Variants in DIAPH3 observed in about 807,000 individuals in gnomAD.
DIAPH3 encodes diaphanous related formin 3.
DIAPH3 carries 117 observed loss-of-function variants against 144.3 expected under a neutral mutation model. That is an observed-to-expected ratio of 0.81 (90% CI 0.70 to 0.95). DIAPH3 has a LOEUF of 0.95. Among genes scored for constraint, DIAPH3 ranks in the 40% least tolerant of loss-of-function variants. The pLI is 0.00. For synonymous variants in DIAPH3, 519 were observed against 488.9 expected, an observed-to-expected ratio of 1.06 and a Z score of -0.81; for missense variants, 1,421 against 1,412.7, an observed-to-expected ratio of 1.01 and a Z score of -0.09.
chr13:59,949,047 G>A (rs909499130), intron 17 of DIAPH3, among the ~76,000 whole-genome samples: 9 of 152,104 alleles, frequency 5.9e-5, no homozygotes, highest in African/African-American at 1.9e-4. Flanking sequence ...TAGAGAAGGG[G>A]TAAAGAAAGC....
At chr13:60,159,968 G>A (rs1356701346) in intron 1 of DIAPH3, among the ~76,000 whole-genome samples, 1 of 152,174 alleles carries the variant, frequency 6.6e-6, no homozygotes, top group Non-Finnish European at 1.5e-5. Flanking sequence ...GCTCACGCCT[G>A]TAATCCCAGC....
At chr13:59,981,398 T>G (rs962703904) in intron 13 of DIAPH3, among the ~76,000 whole-genome samples, 1 of 151,130 alleles carries the variant, frequency 6.6e-6, no homozygotes, top group African/African-American at 2.4e-5. Flanking sequence ...GATGAAAAAC[T>G]AGGCAATATA....
intron 27 of DIAPH3, among the ~76,000 whole-genome samples, chr13:59,759,542 G>A (rs1275465003): frequency 6.6e-6 from 1 of 152,128 alleles, no homozygotes; most frequent in Non-Finnish European, 1.5e-5. Flanking sequence ...GATCAAGACT[G>A]CTTATATTTA....
chr13:60,048,643 A>C (rs1217802510), intron 4 of DIAPH3, among the ~76,000 whole-genome samples: 4 of 129,476 alleles, frequency 3.1e-5, no homozygotes, highest in Non-Finnish European at 4.9e-5. Flanking sequence ...TACATTGCCC[A>C]TATTACTCAG....
chr13:60,119,162 A>G (rs2058770667), intron 2 of DIAPH3, among the ~76,000 whole-genome samples: 1 of 152,202 alleles, frequency 6.6e-6, no homozygotes, highest in Non-Finnish European at 1.5e-5. Flanking sequence ...AAAAGATTTT[A>G]CAGCTTTTGT....
intron 27 of DIAPH3, among the ~76,000 whole-genome samples, chr13:59,692,590 T>C (rs1227456371): frequency 6.6e-6 from 1 of 152,088 alleles, no homozygotes; most frequent in East Asian, 1.9e-4. Flanking sequence ...TTCCTTTTAA[T>C]GACAAGGAAA....
At chr13:59,828,870 T>C (rs1026732642) in intron 24 of DIAPH3, among the ~76,000 whole-genome samples, 3 of 151,554 alleles carry the variant, frequency 2.0e-5, no homozygotes, top group African/African-American at 7.3e-5. Context: ...CTACAGTCGA[T>C]TGTTTAAAAA....
At chr13:59,807,198 T>C (rs1222539683) in intron 25 of DIAPH3, among the ~76,000 whole-genome samples, 1 of 81,230 alleles carries the variant, frequency 1.2e-5, no homozygotes, top group African/African-American at 4.4e-5. Context: ...ATTGTGTTGA[T>C]TTTAAAGGAA....
At chr13:59,998,471 A>C (rs1269423430) in intron 9 of DIAPH3, among the ~76,000 whole-genome samples, 3 of 152,154 alleles carry the variant, frequency 2.0e-5, no homozygotes, top group Non-Finnish European at 4.4e-5. Flanking sequence ...TGAATAACTA[A>C]GTAATTGATC....
intron 17 of DIAPH3, among the ~76,000 whole-genome samples, chr13:59,947,462 A>G (rs189938233): frequency 1.8e-4 from 27 of 152,318 alleles, no homozygotes; most frequent in African/African-American, 6.3e-4. Flanking sequence ...AAAAGAAGTA[A>G]TATTTTTGAT....
chr13:59,746,424 T>C lies in DIAPH3; in HGVS notation c.3319+27765A>G, dbSNP rs2036708027. On this transcript the variant is annotated intron_variant, in intron 27 of 27. Coordinates refer to ENST00000400324, the MANE Select transcript of DIAPH3 (RefSeq NM_001042517.2). ...TTTTTTAGTAGATTGGGTTTCACCA[T>C]GTTGGCCAGGTTGGTCTTGAAACTC... Among the ~76,000 whole-genome samples, 3 of 151,746 alleles carry C rather than the reference T, an allele frequency of 2.0e-5. No individual in the cohort carries two copies. In the South Asian group the frequency reaches 6.2e-4, roughly 32 times the overall value.
At chr13:59,741,703 C>CAAAAAAAAA (rs756556231) in intron 27 of DIAPH3, among the ~76,000 whole-genome samples, 17 of 93,628 alleles carry the variant, frequency 1.8e-4, no homozygotes, top group African/African-American at 5.5e-4. Context: ...GGCAACAAAG[C>CAAAAAAAAA]AAAAAAAAAA....
At chr13:59,937,559 G>C (rs1337656818) in intron 17 of DIAPH3, among the ~76,000 whole-genome samples, 2 of 152,048 alleles carry the variant, frequency 1.3e-5, no homozygotes, top group African/African-American at 4.8e-5. Flanking sequence ...TTAAATCATA[G>C]GCAGACCATC....
intron 27 of DIAPH3, among the ~76,000 whole-genome samples, chr13:59,676,832 G>C (rs1018412841): frequency 6.6e-6 from 1 of 152,058 alleles, no homozygotes; most frequent in African/African-American, 2.4e-5. Flanking sequence ...TTATTCATTA[G>C]AGAATTCAGT....
chr13:59,762,122 G>T (rs144485641), intron 27 of DIAPH3, among the ~76,000 whole-genome samples: 3 of 137,452 alleles, frequency 2.2e-5, no homozygotes, highest in Non-Finnish European at 4.6e-5. Context: ...GCAGTGGCGC[G>T]ATCTCAACTC....
chr13:59,870,119 T>C (rs1027209389), intron 21 of DIAPH3, among the ~76,000 whole-genome samples: 3 of 151,886 alleles, frequency 2.0e-5, no homozygotes, highest in African/African-American at 7.2e-5. Flanking sequence ...TTTAGGTCCA[T>C]GATAAATTTT....
intron 2 of DIAPH3, among the ~76,000 whole-genome samples, chr13:60,122,063 C>T (rs926384179): frequency 6.6e-6 from 1 of 152,138 alleles, no homozygotes; most frequent in Non-Finnish European, 1.5e-5. Flanking sequence ...CCCCTCACTC[C>T]TGTGGTTAAA....
chr13:59,882,822 T>C (rs1423428792), intron 20 of DIAPH3, among the ~76,000 whole-genome samples: 2 of 152,082 alleles, frequency 1.3e-5, no homozygotes, highest in Non-Finnish European at 2.9e-5. Context: ...AATCTGACAA[T>C]AATGAGATGT....
rs146542559 is a variant in DIAPH3, at chr13:60,071,229, C to A, written c.495+22399G>T. On this transcript the variant is annotated intron_variant, in intron 4 of 27. Transcript: ENST00000400324. The stretch of plus-strand genomic sequence containing the variant: ...TTTGTAGCCAAGGAGAAGTTGACCC[C>A]AAAGTTTCCATTTCTCTTTTATCAT... Among the ~76,000 whole-genome samples the A allele has an allele frequency of 1.1e-3, 171 of 152,264 alleles. 1 individual carries two copies. The highest frequency in any genetic ancestry group is 4.0e-3 in the African/African-American group (165 of 41,572).
Sources: gnomAD v4.1 joint callset for allele counts (sites outside exome capture counted in the v4.1 genomes callset) on GRCh38, gnomAD v4.1.1 for gene constraint, MANE v1.5 for transcripts, NCBI Gene and HGNC (gene_info 2026-07-23, HGNC 2026-07-21) for gene names.